TRHDE: variants seen among roughly 807,000 people sequenced by gnomAD.
The protein encoded by TRHDE is thyrotropin-releasing hormone-degrading ectoenzyme.
A neutral mutation model predicts 125.7 loss-of-function variants in TRHDE; 72 were observed. That is an observed-to-expected ratio of 0.57 (90% CI 0.47 to 0.70). The LOEUF is 0.70. TRHDE is among the 30% of genes least tolerant of loss of function. The pLI, the probability that TRHDE is intolerant of heterozygous loss-of-function variation, is 0.00. For missense variants in TRHDE, 1,110 were observed against 1,327.1 expected (o/e 0.84, Z 2.54); for synonymous variants, 509 against 509.1 (o/e 1.00, Z 0.00).
rs948259808 is a variant in TRHDE, at chr12:72,667,140, T to C, written c.*3945T>C. On this transcript the variant is annotated 3_prime_UTR_variant, in exon 19 of 19. Transcript: ENST00000261180. ...GCAGTAAAGGAATCCCTAAGGAAGT[T>C]TACAATAATATATTTAATTAAAATC... The C allele has an allele frequency of 1.3e-5, 2 of 152,050 alleles. No individual in the cohort carries two copies. The highest frequency in any genetic ancestry group is 6.6e-5 in the Admixed American group (1 of 15,240). 9.4% of individuals were successfully genotyped at this position (152,050 alleles called of 1,614,324 possible).
At chr12:72,189,452 T>C (rs1407811319) in intron 2 of TRHDE, among the ~76,000 whole-genome samples, 2 of 152,174 alleles carry the variant, frequency 1.3e-5, no homozygotes, top group Non-Finnish European at 1.5e-5. Flanking sequence ...TCTTGAATAT[T>C]TTACCATCCC....
At chr12:72,121,589 G>A (rs561082614) in intron 2 of TRHDE, among the ~76,000 whole-genome samples, 5 of 152,286 alleles carry the variant, frequency 3.3e-5, no homozygotes, top group Admixed American at 6.5e-5. Context: ...GCCACTGCCA[G>A]ATGATAGGGG....
chr12:72,281,364 A>G (rs1879691384), intron 1 of TRHDE, among the ~76,000 whole-genome samples: 1 of 152,206 alleles, frequency 6.6e-6, no homozygotes, highest in Admixed American at 6.5e-5. Context: ...TTTTGGATTA[A>G]CAATTTTAAA....
chr12:72,527,763 TTA>T (rs1342067672), intron 6 of TRHDE, among the ~76,000 whole-genome samples: 1 of 152,114 alleles, frequency 6.6e-6, no homozygotes, highest in Admixed American at 6.6e-5. Context: ...CACATCAATA[TTA>T]TATACATCAA....
intron 2 of TRHDE, among the ~76,000 whole-genome samples, chr12:72,352,638 A>G (rs935359760): frequency 7.2e-5 from 11 of 151,808 alleles, no homozygotes; most frequent in African/African-American, 2.4e-4. Context: ...CTGTGTTGTT[A>G]TAAGTTACTA....
At chr12:72,326,440 C>A (rs1395725157) in intron 2 of TRHDE, among the ~76,000 whole-genome samples, 1 of 152,032 alleles carries the variant, frequency 6.6e-6, no homozygotes, top group African/African-American at 2.4e-5. Flanking sequence ...AGGACAAATA[C>A]CTAATGCATG....
chr12:72,580,980 A>T (rs1871199271), intron 12 of TRHDE, among the ~76,000 whole-genome samples: 1 of 152,224 alleles, frequency 6.6e-6, no homozygotes, highest in Non-Finnish European at 1.5e-5. Context: ...AATATCCTAT[A>T]GGAAATACCA....
intron 2 of TRHDE, among the ~76,000 whole-genome samples, chr12:72,363,716 A>G (rs974254375): frequency 1.3e-5 from 2 of 152,114 alleles, no homozygotes; most frequent in African/African-American, 2.4e-5. Context: ...GGCACAAGAC[A>G]GGGATGCCCT....
At chr12:72,176,863 T>C (rs1047980823) in intron 2 of TRHDE, among the ~76,000 whole-genome samples, 3 of 152,232 alleles carry the variant, frequency 2.0e-5, no homozygotes, top group Non-Finnish European at 4.4e-5. Flanking sequence ...TGTGGATTTA[T>C]TTAGAAGAAC....
chr12:72,527,562 A>C (rs992507053), intron 6 of TRHDE, among the ~76,000 whole-genome samples: 1 of 151,294 alleles, frequency 6.6e-6, no homozygotes, highest in Admixed American at 6.6e-5. Context: ...AGGGAATATT[A>C]TTGGGAATGA....
At chr12:72,633,409 G>T (rs559717184) in intron 15 of TRHDE, among the ~76,000 whole-genome samples, 1 of 152,144 alleles carries the variant, frequency 6.6e-6, no homozygotes, top group Non-Finnish European at 1.5e-5. Flanking sequence ...TTTCTCCAAT[G>T]CTATTCTTTT....
At chr12:72,396,938 T>C (rs1282899466) in intron 3 of TRHDE, among the ~76,000 whole-genome samples, 1 of 152,180 alleles carries the variant, frequency 6.6e-6, no homozygotes, top group Non-Finnish European at 1.5e-5. Flanking sequence ...CTAGTGTATC[T>C]CTCTCTATTG....
At chr12:72,510,641 G>A (rs1878544651) in intron 6 of TRHDE, among the ~76,000 whole-genome samples, 1 of 151,742 alleles carries the variant, frequency 6.6e-6, no homozygotes, top group African/African-American at 2.4e-5. Context: ...TATGATTTGG[G>A]TTTTCATTCC....
At chr12:72,300,674 CAT>C (rs1182290858) in intron 2 of TRHDE, among the ~76,000 whole-genome samples, 1 of 151,338 alleles carries the variant, frequency 6.6e-6, no homozygotes, top group Non-Finnish European at 1.5e-5. Context: ...TACACACACA[CAT>C]ATATATACAC....
intron 12 of TRHDE, among the ~76,000 whole-genome samples, chr12:72,585,200 T>C (rs1403238299): frequency 6.6e-6 from 1 of 152,190 alleles, no homozygotes; most frequent in Non-Finnish European, 1.5e-5. Context: ...TTAAAATTTA[T>C]ATGTTGATCA....
chr12:72,267,759 A>T (rs1022534143), upstream of TRHDE, among the ~76,000 whole-genome samples: 1 of 152,110 alleles, frequency 6.6e-6, no homozygotes, highest in African/African-American at 2.4e-5. Context: ...TTAGATGTAA[A>T]TTCCATTGAG....
chr12:72,344,376 C>A (rs551694033), intron 2 of TRHDE, among the ~76,000 whole-genome samples: 48 of 152,236 alleles, frequency 3.2e-4, no homozygotes, highest in Non-Finnish European at 6.6e-4. Context: ...TATCACATAT[C>A]TTTTAATTTT....
chr12:72,578,929 T>A (rs1871119337), intron 12 of TRHDE, among the ~76,000 whole-genome samples: 1 of 151,708 alleles, frequency 6.6e-6, no homozygotes, highest in Admixed American at 6.6e-5. Context: ...ACAGGTAAAA[T>A]ATTTGGCATG....
At chr12:72,597,762 TACACACAC>T (rs199603810) in intron 12 of TRHDE, among the ~76,000 whole-genome samples, 1 of 80,682 alleles carries the variant, frequency 1.2e-5, no homozygotes. Flanking sequence ...TATATATGCA[TACACACAC>T]AAATACATAT....
Sources: allele counts gnomAD v4.1 joint callset (sites outside exome capture counted in the v4.1 genomes callset), GRCh38; gene constraint gnomAD v4.1.1; transcripts MANE v1.5; gene names NCBI Gene and HGNC (gene_info 2026-07-23, HGNC 2026-07-21).